Variants in DPP6 observed in about 807,000 individuals in gnomAD.
DPP6 encodes the protein dipeptidyl peptidase like 6.
Under a neutral mutation model 122.6 loss-of-function variants are expected in DPP6, and 69 were observed. That is an observed-to-expected ratio of 0.56 (90% CI 0.46 to 0.69). The LOEUF (loss-of-function observed/expected upper bound fraction) is 0.69, where lower values mean the gene tolerates loss of function less well. Among genes scored for constraint, DPP6 ranks in the 30% least tolerant of loss-of-function variants. DPP6 has a pLI of 0.00. For synonymous variants in DPP6, 418 were observed against 433.1 expected (o/e 0.97, Z 0.43); for missense variants, 928 against 1,116.9 (o/e 0.83, Z 2.41).
chr7:154,288,782 A>G (rs1201022837), intron 1 of DPP6, among the ~76,000 whole-genome samples: 1 of 152,246 alleles, frequency 6.6e-6, no homozygotes, highest in African/African-American at 2.4e-5. Flanking sequence ...ATGCTGGTAA[A>G]AAAAAACAGA....
chr7:154,616,591 C>G (rs780804931), intron 5 of DPP6, among the ~76,000 whole-genome samples: 2 of 151,894 alleles, frequency 1.3e-5, no homozygotes, highest in African/African-American at 4.8e-5. Context: ...CTCTCGGGCG[C>G]GAGCGAATCC....
chr7:154,150,866 A>T (rs189521636), intron 1 of DPP6, among the ~76,000 whole-genome samples: 11 of 152,294 alleles, frequency 7.2e-5, no homozygotes, highest in African/African-American at 2.4e-4. Context: ...GGATTCACTC[A>T]CTTGGGCCTC....
chr7:154,077,321 C>T (rs1463976643), intron 1 of DPP6, among the ~76,000 whole-genome samples: 1 of 152,190 alleles, frequency 6.6e-6, no homozygotes, highest in East Asian at 1.9e-4. Flanking sequence ...AATGAAGAAG[C>T]CAGCGTCCAC....
chr7:154,838,491 C>T (rs191238227), intron 16 of DPP6: 1 of 152,312 alleles, frequency 6.6e-6, no homozygotes, highest in Admixed American at 6.5e-5. Context: ...GAAATAAAAA[C>T]AAATTGCACC....
intron 1 of DPP6, among the ~76,000 whole-genome samples, chr7:153,956,791 G>A (rs1001795932): frequency 6.6e-6 from 1 of 152,148 alleles, no homozygotes; most frequent in Non-Finnish European, 1.5e-5. Flanking sequence ...AACATTTTCA[G>A]TGGTCTTGTG....
intron 1 of DPP6, among the ~76,000 whole-genome samples, chr7:154,404,569 G>C (rs1254818996): frequency 1.3e-5 from 2 of 152,174 alleles, no homozygotes; most frequent in Non-Finnish European, 2.9e-5. Context: ...GAGATGAATG[G>C]AAGAAAGAGA....
intron 1 of DPP6, among the ~76,000 whole-genome samples, chr7:154,277,361 CA>C: frequency 1.3e-5 from 2 of 151,650 alleles, no homozygotes; most frequent in East Asian, 3.9e-4. Flanking sequence ...ACAACAACAA[CA>C]AAAAAAACAA....
chr7:154,154,882 T>C (rs1796605379), intron 1 of DPP6, among the ~76,000 whole-genome samples: 1 of 152,226 alleles, frequency 6.6e-6, no homozygotes, highest in Non-Finnish European at 1.5e-5. Context: ...TCAGGCCCTC[T>C]GCAGAGCCAG....
At chr7:154,421,625 T>C (rs1817480585) in intron 1 of DPP6, among the ~76,000 whole-genome samples, 1 of 149,074 alleles carries the variant, frequency 6.7e-6, no homozygotes, top group South Asian at 2.2e-4. Flanking sequence ...CGCCTGGCCT[T>C]TGAGTGTCAG....
intron 1 of DPP6, among the ~76,000 whole-genome samples, chr7:154,179,281 G>A (rs1473750619): frequency 1.3e-5 from 2 of 152,152 alleles, no homozygotes; most frequent in Non-Finnish European, 2.9e-5. Flanking sequence ...TTGCACACCT[G>A]AATTTGTAGG....
chr7:154,345,076 G>T (rs2151068679), intron 1 of DPP6, among the ~76,000 whole-genome samples: 1 of 152,264 alleles, frequency 6.6e-6, no homozygotes, highest in East Asian at 1.9e-4. Context: ...TAGACTAGGT[G>T]GCTCAAACAA....
At chr7:154,823,805 T>C (rs1799955631) in intron 16 of DPP6, among the ~76,000 whole-genome samples, 1 of 152,192 alleles carries the variant, frequency 6.6e-6, no homozygotes, top group South Asian at 2.1e-4. Context: ...ACTGACTCAA[T>C]AGAGCAACTT....
intron 5 of DPP6, among the ~76,000 whole-genome samples, chr7:154,621,459 C>T (rs1834651504): frequency 6.6e-6 from 1 of 152,212 alleles, no homozygotes; most frequent in Non-Finnish European, 1.5e-5. Context: ...ACCTCCGCCT[C>T]CTGGGTTCAA....
At position 154,513,369 on chromosome 7, in the gene DPP6, T is replaced by C. The variant is rs1336908263; in HGVS notation, c.458-27163T>C. Among the ~76,000 whole-genome samples, 4 of 152,310 alleles carry C rather than the reference T, an allele frequency of 2.6e-5. No individual in the cohort carries two copies. The East Asian group carries it at 7.7e-4, about 29-fold the overall frequency. On this transcript the variant is annotated intron_variant, in intron 3 of 25. Transcript: ENST00000377770. ...AGGAGGCTTTACCAGAAAAGCTAATTGCCCCAAACTTTCCTCTTGGAATTA... is the reference window on the plus strand; with the variant it reads ...AGGAGGCTTTACCAGAAAAGCTAATCGCCCCAAACTTTCCTCTTGGAATTA...
intron 1 of DPP6, among the ~76,000 whole-genome samples, chr7:154,173,132 TAGC>T (rs1797619722): frequency 6.6e-6 from 1 of 152,208 alleles, no homozygotes; most frequent in South Asian, 2.1e-4. Context: ...TTTTGGCAAA[TAGC>T]AGTTGTTTCT....
At chr7:154,866,111 A>G (rs1174390273) in intron 17 of DPP6, among the ~76,000 whole-genome samples, 1 of 152,132 alleles carries the variant, frequency 6.6e-6, no homozygotes, top group Non-Finnish European at 1.5e-5. Context: ...GATGGAGGAG[A>G]AGGAGCTAGC....
rs67365097 is a variant in DPP6, at chr7:154,510,694, C to CAAAA, written c.458-29827_458-29824dup. Among the ~76,000 whole-genome samples the CAAAA allele has an allele frequency of 9.7e-5, 13 of 134,124 alleles. No homozygotes were observed. In the South Asian group the frequency reaches 9.7e-4, roughly 10 times the overall value. 88.0% of individuals were successfully genotyped at this position (134,124 alleles called of 152,430 possible). ...AGCCCAGGTGACAGCCCAGGTGTCT[C>CAAAA]AAAAAAAAAAAAAATAGTGTAAAGG... On this transcript the variant is annotated intron_variant, in intron 3 of 25. Transcript: ENST00000377770.
At chr7:154,543,904 G>C (rs1476058864) in intron 4 of DPP6, among the ~76,000 whole-genome samples, 1 of 142,566 alleles carries the variant, frequency 7.0e-6, no homozygotes, top group African/African-American at 2.6e-5. Context: ...CGAGGCAAGA[G>C]AAACGCTTGA....
intron 20 of DPP6, among the ~76,000 whole-genome samples, chr7:154,876,652 C>A (rs1053058782): frequency 6.6e-6 from 1 of 152,078 alleles, no homozygotes; most frequent in Non-Finnish European, 1.5e-5. Flanking sequence ...CAAGAGCAAC[C>A]GACATCACAG....
Sources: gnomAD v4.1 joint callset for allele counts (sites outside exome capture counted in the v4.1 genomes callset) on GRCh38, gnomAD v4.1.1 for gene constraint, MANE v1.5 for transcripts, NCBI Gene and HGNC (gene_info 2026-07-23, HGNC 2026-07-21) for gene names.